Variants in KHNYN observed in about 807,000 individuals in gnomAD.
KHNYN encodes KH and NYN domain containing, also known as protein KHNYN.
In KHNYN, 42 loss-of-function variants were observed where a neutral mutation model predicts 62.7. That is an observed-to-expected ratio of 0.67 (90% CI 0.52 to 0.87). The LOEUF (loss-of-function observed/expected upper bound fraction) is 0.87, where lower values mean the gene tolerates loss of function less well. Among genes scored for constraint, KHNYN ranks in the 40% least tolerant of loss-of-function variants. The pLI is 0.00. For synonymous variants in KHNYN, 347 were observed against 345.6 expected, an observed-to-expected ratio of 1.00 and a Z score of -0.04; for missense variants, 829 against 874.1, an observed-to-expected ratio of 0.95 and a Z score of 0.65.
rs1594759155 is a variant in KHNYN, at chr14:24,437,182, T to G, written c.1934T>G (p.Val645Gly). 6.2e-7 allele frequency: 1 copy of G among 1,613,450 alleles called. No individual in the cohort carries two copies. The highest frequency in any genetic ancestry group is 8.5e-7 in the Non-Finnish European group (1 of 1,179,906). Residue 645 changes from valine (V) to glycine (G), a missense_variant, in exon 8 of 8, where the codon GTG becomes GGG. Transcript: ENST00000553935. The surrounding 1 kb of genome is among the most constrained non-coding windows in gnomAD (Gnocchi z 5.5). ...TERLRRQLLEVFWGQDHKVDF... is the reference protein window; with the variant it reads ...TERLRRQLLEGFWGQDHKVDF... ...CGGCTCCGGCGGCAGCTGCTGGAGG[T>G]GTTTTGGGGTCAGGATCACAAAGTG...
chr14:24,432,625 G>A lies in KHNYN; in HGVS notation c.1349+15G>A. On this transcript the variant is annotated intron_variant, in intron 3 of 7. Transcript: ENST00000553935. This position sits in a 1 kb window ranked among gnomAD's most constrained non-coding sequence, Gnocchi z 5.6. ...GTGGCCATGGTGTGAGTACCTGGTG[G>A]GGCTAAGGGCCTAGGAGAGGGAGGA... The A allele has an allele frequency of 6.2e-7, 1 of 1,607,168 alleles. No individual in the cohort carries two copies. The highest frequency in any genetic ancestry group is 8.5e-7 in the Non-Finnish European group (1 of 1,174,976).
rs1257177990 is a variant in KHNYN, at chr14:24,432,992, C to T, written c.1537C>T (p.Arg513Ter). 8 of 1,614,210 alleles carry T rather than the reference C, an allele frequency of 5.0e-6. No homozygotes were observed. The highest frequency in any genetic ancestry group is 1.1e-5 in the South Asian group (1 of 91,090). ...CAGCCTGCTCTCCCTCACACCCTCA[C>T]GAGTCATGGATGGCAAGAGGATCTC... ...SLSLLSLTPS[R>*]VMDGKRISSY... is the part of the protein sequence containing the mutation. The change falls in exon 5 of 8, where the codon CGA becomes TGA. Residue 513 changes from arginine to a stop codon, truncating the protein, a stop_gained. Coordinates refer to ENST00000553935, the MANE Select transcript of KHNYN (RefSeq NM_015299.3). LOFTEE classifies it high-confidence loss of function. This position sits in a 1 kb window ranked among gnomAD's most constrained non-coding sequence, Gnocchi z 5.6.
chr14:24,435,764 A>G (rs544898770), intron 5 of KHNYN: 2 of 414,136 alleles, frequency 4.8e-6, no homozygotes, highest in South Asian at 5.9e-5. Flanking sequence ...AGGCCATGGC[A>G]CTTGCATCTA....
intron 1 of KHNYN, 123 bp from the exon 2 acceptor site, chr14:24,430,591 C>T (rs1471712335): frequency 6.9e-7 from 1 of 1,446,862 alleles, no homozygotes; most frequent in Non-Finnish European, 9.1e-7. Context: ...ATGCTTGTCA[C>T]CTCCTGGGGC....
chr14:24,428,938 G>A (rs1384002021), upstream of KHNYN: 3 of 1,554,792 alleles, frequency 1.9e-6, no homozygotes, highest in South Asian at 2.4e-5. Context: ...CCTCCAGCAG[G>A]ACGGGCTCTG....
chr14:24,426,831 G>C (rs750117920), upstream of KHNYN: 2 of 152,340 alleles, frequency 1.3e-5, no homozygotes, highest in Non-Finnish European at 2.9e-5. Flanking sequence ...AGACAGCACA[G>C]ATCAGGAGAA....
rs2043248734 is a variant in KHNYN at position 24,438,938 on chromosome 14, T to C, written c.*1653T>C. The C allele has an allele frequency of 1.3e-5, 2 of 152,204 alleles. No homozygotes were observed. Among genetic ancestry groups the C allele is most frequent in the African/African-American group, 2.4e-5 (1 of 41,422 alleles). 9.4% of individuals were successfully genotyped at this position (152,204 alleles called of 1,614,324 possible). On this transcript the variant is annotated 3_prime_UTR_variant, in exon 8 of 8. Transcript: ENST00000553935. ...AGTGTAATGATGATGGGGAGGGTCC[T>C]TGTGTCCTCACCCCTTCCTTTTTGG...
chr14:24,441,800 A>C lies in KHNYN; in HGVS notation c.*4515A>C, dbSNP rs1484315496. ...TTTTGGAAGGTTTCATTCCATCTGC[A>C]GGAGAAACATGGGAAATAAAAAGCC... is the stretch of plus-strand genomic sequence containing the variant. On this transcript the variant is annotated 3_prime_UTR_variant, in exon 8 of 8. Coordinates refer to ENST00000553935, the MANE Select transcript of KHNYN (RefSeq NM_015299.3). 2.5e-6 allele frequency: 4 copies of C among 1,605,306 alleles called. No individual in the cohort carries two copies. The Middle Eastern group carries it at 5.0e-4, about 199-fold the overall frequency.
chr14:24,429,736 G>A (rs1465517033), upstream of KHNYN: 1 of 985,390 alleles, frequency 1.0e-6, no homozygotes, highest in Non-Finnish European at 1.2e-6. Flanking sequence ...TCCCCTTTCC[G>A]AGAAGTAACT....
upstream of KHNYN, chr14:24,428,606 G>C (rs932514120): frequency 9.5e-7 from 1 of 1,051,014 alleles, no homozygotes. Context: ...GAAACCGTCG[G>C]TGGGGTGGTG....
At chr14:24,435,559 G>GAAGGAAGGGAGCAGAGCACAAGGC in intron 5 of KHNYN, 1 of 155,704 alleles carries the variant, frequency 6.4e-6, no homozygotes, top group East Asian at 1.9e-4. Flanking sequence ...GTGGGCCTGG[G>GAAGGAAGGGAGCAGAGCACAAGGC]AAGGAAGGGA....
chr14:24,431,458 A>T lies in KHNYN; in HGVS notation c.202-5A>T, dbSNP rs555002836. On this transcript the variant is annotated splice_polypyrimidine_tract_variant and splice_region_variant and intron_variant, in intron 2 of 7. Coordinates refer to ENST00000553935, the MANE Select transcript of KHNYN (RefSeq NM_015299.3). ...TTTTCCTGACCTTCCCTTCCTCCCA[A>T]CCAGGAGTACCTGAAGGGCCTCTGC... 4 of 1,552,476 alleles carry T rather than the reference A, an allele frequency of 2.6e-6. No individual in the cohort carries two copies. The East Asian group carries it at 9.1e-5, about 35-fold the overall frequency.
Position 24,440,058 on chromosome 14 carries a change from G to T in KHNYN, c.*2773G>T, listed in dbSNP as rs772664840. On this transcript the variant is annotated 3_prime_UTR_variant, in exon 8 of 8. Coordinates refer to ENST00000553935, the MANE Select transcript of KHNYN (RefSeq NM_015299.3). Reference sequence around the variant, plus strand: ...TAACCTGGAAGCCTGTGAGGAACAGGCCTCAGGCCCTTGCCACGACCTACT... The same window carrying T: ...TAACCTGGAAGCCTGTGAGGAACAGTCCTCAGGCCCTTGCCACGACCTACT... 1.2e-5 allele frequency: 19 copies of T among 1,558,650 alleles called. No homozygotes were observed. Among genetic ancestry groups the T allele is most frequent in the Non-Finnish European group, 1.7e-5 (19 of 1,147,382 alleles).
rs764870963 is a variant in KHNYN at position 24,430,721 on chromosome 14, G to T, written c.-10G>T. 19 of 1,555,564 alleles carry T rather than the reference G, an allele frequency of 1.2e-5. No homozygotes were observed. Among genetic ancestry groups the T allele is most frequent in the Non-Finnish European group, 1.6e-5 (18 of 1,149,420 alleles). On this transcript the variant is annotated 5_prime_UTR_variant, in exon 2 of 8. Transcript: ENST00000553935. ...TGCCTTCTCCCCTTCCAGGGCTGGG[G>T]GCAGCAGCCATGCCTACCTGGGGGG...
rs1403694761 is a variant in KHNYN at position 24,439,740 on chromosome 14, A to G, written c.*2455A>G. On this transcript the variant is annotated 3_prime_UTR_variant, in exon 8 of 8. Coordinates refer to ENST00000553935, the MANE Select transcript of KHNYN (RefSeq NM_015299.3). ...ATTCCTTGAAGTAAATCCCAGGAGAATCTAGGCCAAAGAGATGAGCCAAGG... is the reference window on the plus strand; with the variant it reads ...ATTCCTTGAAGTAAATCCCAGGAGAGTCTAGGCCAAAGAGATGAGCCAAGG... The G allele has an allele frequency of 2.2e-5, 4 of 185,320 alleles. No homozygotes were observed. Among genetic ancestry groups the G allele is most frequent in the Non-Finnish European group, 4.4e-5 (4 of 90,560 alleles). The allele number at this position is 185,320 out of a possible 1,614,324, so 11.5% of individuals were successfully genotyped here.
chr14:24,432,451 G>T lies in KHNYN; in HGVS notation c.1190G>T (p.Gly397Val), dbSNP rs1292387269. 1.2e-6 allele frequency: 2 copies of T among 1,613,464 alleles called. No homozygotes were observed. Among genetic ancestry groups the T allele is most frequent in the East Asian group, 2.2e-5 (1 of 44,872 alleles). ...CAGCAGGGCATGGCACGGGGTCGGG[G>T]GCCTCAATGGAAACGAGGCGCCCGA... ...DKQQGMARGR[G>V]PQWKRGARGG... Residue 397 changes from glycine to valine, a missense_variant, in exon 3 of 8, where the codon GGG (glycine) becomes GTG (valine). Gly to Val is a moderately radical substitution (Grantham distance 109). Transcript: ENST00000553935. The surrounding 1 kb of genome is among the most constrained non-coding windows in gnomAD (Gnocchi z 5.6).
At chr14:24,430,145 G>A (rs1169165665) in intron 1 of KHNYN, 26 bp downstream of exon 1, 2 of 983,054 alleles carry the variant, frequency 2.0e-6, no homozygotes, top group Non-Finnish European at 2.4e-6. Flanking sequence ...CACCGCGCCC[G>A]GGAGCGGGGA....
chr14:24,434,517 A>G (rs542780468), intron 5 of KHNYN: 2 of 253,406 alleles, frequency 7.9e-6, no homozygotes, highest in African/African-American at 4.6e-5. Context: ...TGATTCCCTT[A>G]CCTCAGCCTC....
At position 24,440,005 on chromosome 14, in the gene KHNYN, T is replaced by C; in HGVS notation, c.*2720T>C. The C allele has an allele frequency of 1.6e-6, 2 of 1,227,542 alleles. No homozygotes were observed. Among genetic ancestry groups the C allele is most frequent in the East Asian group, 2.4e-5 (1 of 40,898 alleles). The allele number at this position is 1,227,542 out of a possible 1,614,324, so 76.0% of individuals were successfully genotyped here. ...TAAGAACCAGATGGCTTCAGCTCTCTAGAGGAGCTGAGCCTATTCACAGTG... is the reference window on the plus strand; with the variant it reads ...TAAGAACCAGATGGCTTCAGCTCTCCAGAGGAGCTGAGCCTATTCACAGTG... On this transcript the variant is annotated 3_prime_UTR_variant, in exon 8 of 8. Coordinates refer to ENST00000553935, the MANE Select transcript of KHNYN (RefSeq NM_015299.3).
Sources: allele counts gnomAD v4.1 joint callset, GRCh38; gene constraint gnomAD v4.1.1; non-coding constraint Gnocchi (gnomAD v3.1); transcripts MANE v1.5; gene names NCBI Gene and HGNC (gene_info 2026-07-23, HGNC 2026-07-21).